TENM2: variants seen among roughly 807,000 people sequenced by gnomAD.
TENM2 encodes teneurin-2.
Under a neutral mutation model 245.2 loss-of-function variants are expected in TENM2, and 52 were observed. The ratio of observed to expected loss-of-function variants is 0.21; its 90% confidence interval spans 0.17 to 0.27. The LOEUF is 0.27. TENM2 is among the 10% of genes least tolerant of loss of function. The pLI, the probability that TENM2 is intolerant of heterozygous loss-of-function variation, is 1.00. For missense variants in TENM2, 3,046 were observed against 3,666.8 expected (o/e 0.83, Z 4.37); for synonymous variants, 1,363 against 1,438.9 (o/e 0.95, Z 1.19).
At chr5:167,799,485 T>C (rs1583037917) in intron 2 of TENM2, among the ~76,000 whole-genome samples, 1 of 152,218 alleles carries the variant, frequency 6.6e-6, no homozygotes, top group Non-Finnish European at 1.5e-5. Flanking sequence ...TAAGTGCATC[T>C]ACTTAGGGGA....
intron 2 of TENM2, among the ~76,000 whole-genome samples, chr5:167,816,546 C>T (rs1334640899): frequency 1.3e-5 from 2 of 152,204 alleles, no homozygotes; most frequent in African/African-American, 2.4e-5. Flanking sequence ...GTGGATGCCT[C>T]AGGCAGTTCC....
At chr5:167,509,368 T>A (rs532181404) in intron 2 of TENM2, among the ~76,000 whole-genome samples, 27 of 152,362 alleles carry the variant, frequency 1.8e-4, no homozygotes, top group Non-Finnish European at 3.1e-4. Context: ...AGAGATAGTT[T>A]TGCTTCACTT....
chr5:168,188,181 C>A (rs1408591087), intron 13 of TENM2, among the ~76,000 whole-genome samples: 1 of 152,118 alleles, frequency 6.6e-6, no homozygotes, highest in East Asian at 1.9e-4. Context: ...TTAGCGGAAC[C>A]AAACGAAAAG....
chr5:167,791,588 G>A (rs947047033), intron 2 of TENM2, among the ~76,000 whole-genome samples: 1 of 147,248 alleles, frequency 6.8e-6, no homozygotes, highest in Non-Finnish European at 1.5e-5. Flanking sequence ...GAGGATAATG[G>A]TTGTGTAATA....
chr5:167,409,596 C>CGGCATG (rs543392442), intron 2 of TENM2, among the ~76,000 whole-genome samples: 3 of 151,960 alleles, frequency 2.0e-5, no homozygotes, highest in African/African-American at 7.2e-5. Flanking sequence ...ATATTAACAG[C>CGGCATG]GGCATGCATA....
chr5:167,693,114 G>T (rs1286241575), intron 2 of TENM2, among the ~76,000 whole-genome samples: 1 of 152,292 alleles, frequency 6.6e-6, no homozygotes, highest in East Asian at 1.9e-4. Context: ...TCATTGGTTT[G>T]TGCTGAGCTA....
At chr5:168,131,416 A>G (rs1754565099) in intron 12 of TENM2, among the ~76,000 whole-genome samples, 1 of 152,254 alleles carries the variant, frequency 6.6e-6, no homozygotes, top group Non-Finnish European at 1.5e-5. Context: ...GCCACAAGTC[A>G]GTACAGTTTT....
chr5:167,296,863 G>A (rs556872198), intron 1 of TENM2, among the ~76,000 whole-genome samples: 23 of 152,350 alleles, frequency 1.5e-4, no homozygotes, highest in African/African-American at 5.3e-4. Flanking sequence ...GCAAAGTGCT[G>A]AGTTGTCCTA....
intron 2 of TENM2, among the ~76,000 whole-genome samples, chr5:167,651,716 G>T (rs886991869): frequency 4.6e-5 from 7 of 152,158 alleles, no homozygotes. Context: ...TGTGTGTCCA[G>T]CTCTAACTCT....
chr5:167,842,580 C>CAAAAAAAA (rs1160974467), intron 2 of TENM2, among the ~76,000 whole-genome samples: 8 of 45,322 alleles, frequency 1.8e-4, no homozygotes, highest in African/African-American at 2.5e-4. Flanking sequence ...GACTCCATGT[C>CAAAAAAAA]AAAAAAAAAA....
intron 2 of TENM2, among the ~76,000 whole-genome samples, chr5:167,515,356 G>A (rs1770255148): frequency 6.6e-6 from 1 of 151,850 alleles, no homozygotes; most frequent in Non-Finnish European, 1.5e-5. Flanking sequence ...AGAAAATAGT[G>A]TTTTATATTT....
intron 2 of TENM2, among the ~76,000 whole-genome samples, chr5:167,570,371 A>AAGAAGGTAATTCTGGCTTG (rs11272421): frequency 2.6e-5 from 4 of 151,460 alleles, no homozygotes; most frequent in Non-Finnish European, 2.9e-5. Flanking sequence ...GTGGCATTTT[A>AAGAAGGTAATTCTGGCTTG]AGAAGGATGA....
rs190099364 is a variant in TENM2 at position 167,362,265 on chromosome 5, C to T, written c.227-12933C>T. ...ATGGTCTTGCCATTTTTTATAAGCT[C>T]AATGGCTGGAGGCTTAGTATGGTTT... On this transcript the variant is annotated intron_variant, in intron 1 of 28. Transcript: ENST00000518659. 2.3e-3 allele frequency among the ~76,000 whole-genome samples: 346 copies of T among 152,310 alleles called. 1 individual carries two copies. Among genetic ancestry groups the T allele is most frequent in the Non-Finnish European group, 4.0e-3 (272 of 68,004 alleles).
intron 2 of TENM2, among the ~76,000 whole-genome samples, chr5:167,717,044 A>C (rs1238968634): frequency 6.6e-6 from 1 of 151,718 alleles, no homozygotes; most frequent in African/African-American, 2.4e-5. Context: ...AGCTCACTGC[A>C]ACCTTCACCT....
chr5:167,293,911 A>G (rs754740280), intron 1 of TENM2, among the ~76,000 whole-genome samples: 1 of 152,072 alleles, frequency 6.6e-6, no homozygotes, highest in Non-Finnish European at 1.5e-5. Flanking sequence ...TGTGTGGACC[A>G]TGATACCATT....
At chr5:167,348,806 C>A (rs1227940672) in intron 1 of TENM2, among the ~76,000 whole-genome samples, 5 of 152,168 alleles carry the variant, frequency 3.3e-5, no homozygotes, top group Admixed American at 6.6e-5. Flanking sequence ...CATGCCGTTA[C>A]AATAATACTG....
intron 2 of TENM2, among the ~76,000 whole-genome samples, chr5:167,529,521 G>A (rs1771353109): frequency 6.6e-6 from 1 of 152,160 alleles, no homozygotes; most frequent in Non-Finnish European, 1.5e-5. Flanking sequence ...GAACTTTCCT[G>A]TCTTTTGTAG....
intron 2 of TENM2, among the ~76,000 whole-genome samples, chr5:167,420,659 C>T (rs936672196): frequency 1.3e-5 from 2 of 152,150 alleles, no homozygotes; most frequent in African/African-American, 4.8e-5. Flanking sequence ...CAATAAGGCC[C>T]ACCCTGACCA....
intron 2 of TENM2, among the ~76,000 whole-genome samples, chr5:167,874,877 G>T (rs1475406888): frequency 6.6e-6 from 1 of 152,154 alleles, no homozygotes; most frequent in Non-Finnish European, 1.5e-5. Flanking sequence ...GAGAGTCTGT[G>T]CTTTTCTTTG....
Sources: gnomAD v4.1 joint callset for allele counts (sites outside exome capture counted in the v4.1 genomes callset) on GRCh38, gnomAD v4.1.1 for gene constraint, MANE v1.5 for transcripts, NCBI Gene and HGNC (gene_info 2026-07-23, HGNC 2026-07-21) for gene names.